NCOA2: variants seen among roughly 807,000 people sequenced by gnomAD.
NCOA2 encodes the protein nuclear receptor coactivator 2.
NCOA2 carries 21 observed loss-of-function variants against 145.1 expected under a neutral mutation model. The observed-to-expected ratio is 0.14, with a 90% CI of 0.10 to 0.21. NCOA2 has a LOEUF of 0.21. Ranked by LOEUF, NCOA2 falls within the 10% of genes least tolerant of loss-of-function variation. NCOA2 has a pLI of 1.00. For missense variants in NCOA2, 1,472 were observed against 1,837.6 expected (o/e 0.80, Z 3.64); for synonymous variants, 619 against 637.5 (o/e 0.97, Z 0.44).
At chr8:70,192,181 T>G (rs898963839) in intron 4 of NCOA2, among the ~76,000 whole-genome samples, 5 of 152,252 alleles carry the variant, frequency 3.3e-5, no homozygotes, top group Admixed American at 2.6e-4. Context: ...TAGGAGTTTT[T>G]AAGATTTGCT....
chr8:70,214,900 G>A (rs1446579504), intron 3 of NCOA2, among the ~76,000 whole-genome samples: 1 of 151,994 alleles, frequency 6.6e-6, no homozygotes, highest in Admixed American at 6.6e-5. Flanking sequence ...AAAGCAAGTT[G>A]CTTAATGTAG....
intron 1 of NCOA2, among the ~76,000 whole-genome samples, chr8:70,318,433 G>A (rs1805786818): frequency 6.6e-6 from 1 of 152,092 alleles, no homozygotes; most frequent in Admixed American, 6.6e-5. Context: ...CTCCCTAACT[G>A]ACACACCTGA....
chr8:70,320,858 G>T (rs950603189), intron 1 of NCOA2, among the ~76,000 whole-genome samples: 1 of 152,118 alleles, frequency 6.6e-6, no homozygotes, highest in South Asian at 2.1e-4. Flanking sequence ...GATTCACTGT[G>T]CATATTGTCT....
At chr8:70,273,705 G>C in intron 2 of NCOA2, 1 of 634,942 alleles carries the variant, frequency 1.6e-6, no homozygotes, top group Admixed American at 1.8e-5. Flanking sequence ...AGTCTGACTA[G>C]TTTAAGGACT....
At chr8:70,428,648 G>A in the NCOA2 span, among the ~76,000 whole-genome samples, 4 of 152,080 alleles carry the variant, frequency 2.6e-5, no homozygotes, top group African/African-American at 9.6e-5. Flanking sequence ...ATAACTTGCT[G>A]TTATCTAAAA....
intron 1 of NCOA2, among the ~76,000 whole-genome samples, chr8:70,321,878 C>T (rs892981397): frequency 2.1e-5 from 3 of 140,188 alleles, no homozygotes; most frequent in Admixed American, 7.5e-5. Flanking sequence ...CCTGTAATCC[C>T]AGCACTTTGG....
rs1232937345 is a variant in NCOA2 at position 70,130,238 on chromosome 8, T to C, written c.3325-1258A>G. 2.6e-5 allele frequency among the ~76,000 whole-genome samples: 4 copies of C among 152,358 alleles called. 1 individual carries two copies. In the East Asian group the frequency reaches 7.7e-4, roughly 29 times the overall value. On this transcript the variant is annotated intron_variant, in intron 16 of 22. Transcript: ENST00000452400. ...ATGAATACGAATAATTTGTATTCTA[T>C]ACTTCCCTCAATTCTACCTAATAAA...
Position 70,321,793 on chromosome 8 carries a change from CTTTTTTTTTTT to C in NCOA2, c.-76-25004_-76-24994del, listed in dbSNP as rs559680322. On this transcript the variant is annotated intron_variant, in intron 1 of 22. Transcript: ENST00000452400. ...TGCTTTCCTAAGTTTCAGAATATACCTTTTTTTTTTTTTTTTTTTTTTTTTTTTGGTGAAAC... is the reference window on the plus strand; with the variant it reads ...TGCTTTCCTAAGTTTCAGAATATACCTTTTTTTTTTTTTTTTTGGTGAAAC... Among the ~76,000 whole-genome samples, 17 of 73,570 alleles carry C rather than the reference CTTTTTTTTTTT, an allele frequency of 2.3e-4. No individual in the cohort carries two copies. In the East Asian group the frequency reaches 6.0e-3, roughly 26 times the overall value. 48.3% of individuals were successfully genotyped at this position (73,570 alleles called of 152,430 possible). A position where few individuals can be genotyped will look rare whatever the true frequency, so the allele number is the denominator to read the frequency against.
intron 7 of NCOA2, among the ~76,000 whole-genome samples, chr8:70,163,882 A>G (rs1250121224): frequency 5.9e-5 from 9 of 151,562 alleles, no homozygotes; most frequent in South Asian, 2.1e-4. Flanking sequence ...CCAGCAGTAG[A>G]AAAAAAAATG....
intron 3 of NCOA2, 138 bp from the exon 4 acceptor site, chr8:70,214,213 A>C: frequency 1.2e-6 from 1 of 842,108 alleles, no homozygotes; most frequent in Non-Finnish European, 1.8e-6. Flanking sequence ...TTGGGGGAAA[A>C]ACACAATTTT....
rs1469732671 is a variant in NCOA2 at position 70,292,266 on chromosome 8, C to A, written c.-20+4478G>T. Among the ~76,000 whole-genome samples, 5 of 151,816 alleles carry A rather than the reference C, an allele frequency of 3.3e-5. No homozygotes were observed. The East Asian group carries it at 1.0e-3, about 30-fold the overall frequency. On this transcript the variant is annotated intron_variant, in intron 2 of 22. Transcript: ENST00000452400. ...CTCCTGGGTTCAAGCGATTCTCCCACCTCAGCCTCCCAAGTAGCTGGGACT... is the reference window on the plus strand; with the variant it reads ...CTCCTGGGTTCAAGCGATTCTCCCAACTCAGCCTCCCAAGTAGCTGGGACT...
chr8:70,397,319 G>A (rs1813762291), intron 1 of NCOA2, among the ~76,000 whole-genome samples: 1 of 152,038 alleles, frequency 6.6e-6, no homozygotes, highest in Admixed American at 6.6e-5. Flanking sequence ...TGGGAGTGGT[G>A]ACATGTGACG....
At chr8:70,238,989 G>T (rs1470588216) in intron 2 of NCOA2, among the ~76,000 whole-genome samples, 1 of 152,094 alleles carries the variant, frequency 6.6e-6, no homozygotes, top group Non-Finnish European at 1.5e-5. Flanking sequence ...CAGTAGTTGG[G>T]TTGATTTCTC....
At chr8:70,241,137 C>A (rs1466716434) in intron 2 of NCOA2, among the ~76,000 whole-genome samples, 1 of 152,092 alleles carries the variant, frequency 6.6e-6, no homozygotes, top group Non-Finnish European at 1.5e-5. Flanking sequence ...TTTGGATTCT[C>A]TGTGGTTTTT....
Position 70,138,947 on chromosome 8 carries a change from G to A in NCOA2, c.3029-615C>T, listed in dbSNP as rs115036692. On this transcript the variant is annotated intron_variant, in intron 14 of 22. Transcript: ENST00000452400. ...GAGTGAAGAAGCCAACAGTGTTTTA[G>A]GATTAGTATGAAAATAGTTTTGGCC... Among the ~76,000 whole-genome samples the A allele has an allele frequency of 9.3e-3, 1,416 of 152,346 alleles. 22 individuals carry two copies. The highest frequency in any genetic ancestry group is 0.032 in the African/African-American group (1,319 of 41,574).
At chr8:70,293,858 T>A (rs1376817987) in intron 2 of NCOA2, among the ~76,000 whole-genome samples, 1 of 152,208 alleles carries the variant, frequency 6.6e-6, no homozygotes, top group Non-Finnish European at 1.5e-5. Context: ...TTCAGTCTGT[T>A]CAATAAGTTT....
chr8:70,378,497 G>C (rs1042538772), intron 1 of NCOA2, among the ~76,000 whole-genome samples: 1 of 148,746 alleles, frequency 6.7e-6, no homozygotes, highest in Non-Finnish European at 1.5e-5. Context: ...GCAAAATGCA[G>C]GGAAGGGGTC....
At chr8:70,121,083 A>G (rs903436317) in intron 22 of NCOA2, among the ~76,000 whole-genome samples, 2 of 152,236 alleles carry the variant, frequency 1.3e-5, no homozygotes, top group African/African-American at 2.4e-5. Flanking sequence ...ATAAAAAAAA[A>G]TTTAGTGTTC....
chr8:70,222,386 T>C (rs1314286871), intron 2 of NCOA2, among the ~76,000 whole-genome samples: 1 of 152,210 alleles, frequency 6.6e-6, no homozygotes, highest in African/African-American at 2.4e-5. Flanking sequence ...AGTCTCTAGG[T>C]AAACTGGCTT....
Sources: allele counts gnomAD v4.1 joint callset (sites outside exome capture counted in the v4.1 genomes callset), GRCh38; gene constraint gnomAD v4.1.1; transcripts MANE v1.5; gene names NCBI Gene and HGNC (gene_info 2026-07-23, HGNC 2026-07-21).